NIM1K: variants seen among roughly 807,000 people sequenced by gnomAD.
NIM1K encodes serine/threonine-protein kinase NIM1.
Under a neutral mutation model 37.1 loss-of-function variants are expected in NIM1K, and 35 were observed. The ratio of observed to expected loss-of-function variants is 0.94; its 90% CI spans 0.72 to 1.25. NIM1K has a LOEUF of 1.25. NIM1K is among the 50% of genes most tolerant of loss of function. The pLI, the probability that NIM1K is intolerant of heterozygous loss-of-function variation, is 0.00. For missense variants in NIM1K, 564 were observed against 548.0 expected (o/e 1.03, Z -0.29); for synonymous variants, 234 against 206.6 (o/e 1.13, Z -1.14).
chr5:43,229,231 A>G (rs545063093), intron 1 of NIM1K, among the ~76,000 whole-genome samples: 1 of 152,114 alleles, frequency 6.6e-6, no homozygotes, highest in East Asian at 1.9e-4. Context: ...CTAAAAATAC[A>G]AAAATTAGCC....
At position 43,198,207 on chromosome 5, in the gene NIM1K, C is replaced by CTTTCTTTCTTTCCT. The variant is rs1281355308; in HGVS notation, c.-695+5797_-695+5798insTTCTTTCTTTCCTT. ...TCTTTCTTTCTTTCTTTCTTTCTTTCTCTTTCTTTCTTTCTTTCTTTCTTT... is the reference window on the plus strand; with the variant it reads ...TCTTTCTTTCTTTCTTTCTTTCTTTCTTTCTTTCTTTCCTTCTTTCTTTCTTTCTTTCTTTCTTT... On this transcript the variant is annotated intron_variant, in intron 1 of 3. Coordinates refer to ENST00000326035, the MANE Select transcript of NIM1K (RefSeq NM_153361.4). Among the ~76,000 whole-genome samples, 4 of 48,902 alleles carry CTTTCTTTCTTTCCT rather than the reference C, an allele frequency of 8.2e-5. No homozygotes were observed. In the East Asian group the frequency reaches 2.8e-3, roughly 34 times the overall value. 32.1% of individuals were successfully genotyped at this position (48,902 alleles called of 152,430 possible). A position where few individuals can be genotyped will look rare whatever the true frequency, so the allele number is the denominator to read the frequency against.
At chr5:43,196,472 CA>C (rs35053237) in intron 1 of NIM1K, among the ~76,000 whole-genome samples, 21,243 of 141,464 alleles carry the variant, frequency 0.15, 1,795 homozygotes, top group Middle Eastern at 0.23. Context: ...ACTAAATATA[CA>C]AAAAAAAAAA....
At chr5:43,275,069 A>G (rs1753318367) in intron 2 of NIM1K, among the ~76,000 whole-genome samples, 1 of 152,236 alleles carries the variant, frequency 6.6e-6, no homozygotes, top group South Asian at 2.1e-4. Flanking sequence ...GTCTATATTC[A>G]TGATAAAAAA....
At chr5:43,276,772 A>G (rs540565794) in intron 2 of NIM1K, among the ~76,000 whole-genome samples, 1 of 152,350 alleles carries the variant, frequency 6.6e-6, no homozygotes, top group African/African-American at 2.4e-5. Flanking sequence ...GGGTCTCATC[A>G]AGAAGTTCTC....
intron 2 of NIM1K, among the ~76,000 whole-genome samples, chr5:43,257,362 CTTTTTTT>C (rs36108441): frequency 5.1e-5 from 3 of 58,800 alleles, no homozygotes; most frequent in African/African-American, 6.7e-5. Context: ...TAAAGTGACT[CTTTTTTT>C]TTTTTTTTTT....
chr5:43,200,984 G>A (rs1363952736), intron 1 of NIM1K, among the ~76,000 whole-genome samples: 1 of 151,954 alleles, frequency 6.6e-6, no homozygotes, highest in Non-Finnish European at 1.5e-5. Flanking sequence ...AATTAGCCAG[G>A]CACGGTGACA....
Position 43,253,311 on chromosome 5 carries a change from A to G in NIM1K, c.292+7244A>G, listed in dbSNP as rs148854943. Reference sequence around the variant, plus strand: ...GTTTAACAGAGGCAGACAGGAAAAAATTGATGAGTGCTGTCCAGAGTAAGG... The same window carrying G: ...GTTTAACAGAGGCAGACAGGAAAAAGTTGATGAGTGCTGTCCAGAGTAAGG... On this transcript the variant is annotated intron_variant, in intron 2 of 3. Transcript: ENST00000326035. Among the ~76,000 whole-genome samples, 247 of 150,582 alleles carry G rather than the reference A, an allele frequency of 1.6e-3. 2 individuals are homozygous for G. The highest frequency in any genetic ancestry group is 5.8e-3 in the African/African-American group (237 of 40,974).
intron 1 of NIM1K, among the ~76,000 whole-genome samples, chr5:43,219,684 C>T (rs1056368561): frequency 4.6e-5 from 7 of 152,084 alleles, no homozygotes; most frequent in African/African-American, 9.7e-5. Flanking sequence ...TTTGCAAAAA[C>T]GTTTCCTGTT....
chr5:43,228,516 A>G (rs983531346), intron 1 of NIM1K, among the ~76,000 whole-genome samples: 1 of 152,178 alleles, frequency 6.6e-6, no homozygotes, highest in Non-Finnish European at 1.5e-5. Context: ...GTACAAATAT[A>G]AAACTCCAGT....
chr5:43,204,081 GT>G (rs70994605), intron 1 of NIM1K, among the ~76,000 whole-genome samples: 8 of 85,384 alleles, frequency 9.4e-5, no homozygotes, highest in Admixed American at 1.9e-4. Flanking sequence ...AGTTCCAATG[GT>G]TTTTTTTTTT....
chr5:43,216,810 A>G (rs1257514036), intron 1 of NIM1K, among the ~76,000 whole-genome samples: 1 of 152,216 alleles, frequency 6.6e-6, no homozygotes, highest in Non-Finnish European at 1.5e-5. Context: ...TGGGAATGAC[A>G]GAAAGAGAAC....
At chr5:43,204,797 A>T (rs1459757954) in intron 1 of NIM1K, among the ~76,000 whole-genome samples, 1 of 151,902 alleles carries the variant, frequency 6.6e-6, no homozygotes, top group Admixed American at 6.6e-5. Flanking sequence ...ACTTGAGCCC[A>T]GGAGTTTAAA....
At chr5:43,255,839 G>A (rs1047974607) in intron 2 of NIM1K, among the ~76,000 whole-genome samples, 51 of 151,568 alleles carry the variant, frequency 3.4e-4, no homozygotes, top group African/African-American at 1.1e-3. Context: ...GGCCAGGACA[G>A]CCTTACTGAG....
In NIM1K at chr5:43,232,853, G is replaced by A. The variant is rs545496369; in HGVS notation, c.-694-12229G>A. 17 of 1,053,502 alleles carry A rather than the reference G, an allele frequency of 1.6e-5. No homozygotes were observed. In the East Asian group the frequency reaches 3.8e-4, roughly 23 times the overall value. The allele number at this position is 1,053,502 out of a possible 1,614,324, so 65.3% of individuals were successfully genotyped here. ...GTGATCTCCTGGCCAATGGTGTAGT[G>A]CCTTCAGGCATAGTTACTGGAAGCA... On this transcript the variant is annotated intron_variant, in intron 1 of 3. Transcript: ENST00000326035.
chr5:43,210,206 G>C (rs1252428024), intron 1 of NIM1K, among the ~76,000 whole-genome samples: 1 of 151,918 alleles, frequency 6.6e-6, no homozygotes, highest in East Asian at 1.9e-4. Context: ...GGGAGGGGAG[G>C]AGAGGGGAAA....
chr5:43,274,494 C>G (rs1463869518), intron 2 of NIM1K, among the ~76,000 whole-genome samples: 1 of 152,174 alleles, frequency 6.6e-6, no homozygotes, highest in African/African-American at 2.4e-5. Context: ...ACCCAACATG[C>G]TACACAAAAC....
At chr5:43,207,622 CT>C in intron 1 of NIM1K, 5 of 636,352 alleles carry the variant, frequency 7.9e-6, no homozygotes, top group Non-Finnish European at 1.5e-5. Context: ...ATGGGAAATA[CT>C]TTACACAGGG....
chr5:43,213,172 T>C (rs1196742242), intron 1 of NIM1K, among the ~76,000 whole-genome samples: 9 of 64,876 alleles, frequency 1.4e-4, no homozygotes, highest in South Asian at 9.3e-4. Context: ...TTTTTTTCTT[T>C]CTTTCTTTCT....
intron 2 of NIM1K, among the ~76,000 whole-genome samples, chr5:43,256,812 A>G (rs1363654687): frequency 6.6e-6 from 1 of 152,080 alleles, no homozygotes; most frequent in Non-Finnish European, 1.5e-5. Context: ...TTCAGGCATA[A>G]CTCTTAGCAG....
Sources: allele counts gnomAD v4.1 joint callset (sites outside exome capture counted in the v4.1 genomes callset), GRCh38; gene constraint gnomAD v4.1.1; transcripts MANE v1.5; gene names NCBI Gene and HGNC (gene_info 2026-07-23, HGNC 2026-07-21).